Variants in PCDHGA12 observed in about 807,000 individuals in gnomAD.
The protein encoded by PCDHGA12 is protocadherin gamma subfamily A, 12, also known as protocadherin gamma-A12.
A neutral mutation model predicts 61.1 loss-of-function variants in PCDHGA12; 43 were observed. The ratio of observed to expected loss-of-function variants is 0.70; its 90% CI spans 0.55 to 0.91. The LOEUF (loss-of-function observed/expected upper bound fraction) is 0.91, where lower values mean the gene tolerates loss of function less well. Among genes scored for constraint, PCDHGA12 ranks in the 40% least tolerant of loss-of-function variants. The pLI is 0.00. For missense variants in PCDHGA12, 1,236 were observed against 1,227.7 expected (o/e 1.01, Z -0.10); for synonymous variants, 520 against 542.9 (o/e 0.96, Z 0.59).
rs1345800081 is a variant in PCDHGA12, at chr5:141,485,453, G to A, written c.2425-9354G>A. 1 of 1,614,176 alleles carries A rather than the reference G, an allele frequency of 6.2e-7. No homozygotes were observed. The highest frequency in any genetic ancestry group is 8.5e-7 in the Non-Finnish European group (1 of 1,180,036). On this transcript the variant is annotated intron_variant, in intron 1 of 3. Transcript: ENST00000252085. The surrounding 1 kb of genome is among the most constrained non-coding windows in gnomAD (Gnocchi z 5.7). ...CATCAAGAACCCAATCGACCGAGAG[G>A]CACTGTGTGGGCTCAGTGCCAGCTG...
In PCDHGA12 at chr5:141,491,049, G is replaced by A. The variant is rs369146505; in HGVS notation, c.2425-3758G>A. Reference sequence around the variant, plus strand: ...TGGATGCTGATGCAGGCCACAATGCGTGGCTCTCCTACTCACTGTTGCCAC... The same window carrying A: ...TGGATGCTGATGCAGGCCACAATGCATGGCTCTCCTACTCACTGTTGCCAC... On this transcript the variant is annotated intron_variant, in intron 1 of 3. Coordinates refer to ENST00000252085, the MANE Select transcript of PCDHGA12 (RefSeq NM_003735.3). This position sits in a 1 kb window ranked among gnomAD's most constrained non-coding sequence, Gnocchi z 6.9. The A allele has an allele frequency of 3.3e-5, 53 of 1,614,116 alleles. No individual in the cohort carries two copies. The African/African-American group carries it at 5.5e-4, about 17-fold the overall frequency.
chr5:141,468,374 C>T (rs1340499708), intron 1 of PCDHGA12: 2 of 150,736 alleles, frequency 1.3e-5, no homozygotes, highest in Non-Finnish European at 3.0e-5. Context: ...ATAACTCAGC[C>T]ATACAAGGCT....
chr5:141,473,776 T>C (rs1026169931), intron 1 of PCDHGA12, among the ~76,000 whole-genome samples: 1 of 152,214 alleles, frequency 6.6e-6, no homozygotes, highest in Non-Finnish European at 1.5e-5. Context: ...TTTGGTATTT[T>C]AATTCAAGAG....
At chr5:141,495,463 G>T (rs1562169154) in intron 2 of PCDHGA12, among the ~76,000 whole-genome samples, 1 of 152,114 alleles carries the variant, frequency 6.6e-6, no homozygotes, top group Non-Finnish European at 1.5e-5. Context: ...TCTGTCTGTG[G>T]GGTCTCCGTG....
intron 1 of PCDHGA12, among the ~76,000 whole-genome samples, chr5:141,459,095 G>A (rs61275874): frequency 0.28 from 42,440 of 152,066 alleles, 6,652 homozygotes; most frequent in African/African-American, 0.43. Context: ...ATTATACAGT[G>A]CAATGCATTT....
At chr5:141,438,396 ACT>A (rs2097958956) in intron 1 of PCDHGA12, among the ~76,000 whole-genome samples, 2 of 150,930 alleles carry the variant, frequency 1.3e-5, no homozygotes, top group African/African-American at 4.9e-5. Context: ...TTCATCATTA[ACT>A]CTCTGAAGTA....
At chr5:141,500,568 T>C (rs1562196424) in intron 2 of PCDHGA12, among the ~76,000 whole-genome samples, 2 of 152,190 alleles carry the variant, frequency 1.3e-5, no homozygotes, top group Admixed American at 6.5e-5. Context: ...CTTGTCACAC[T>C]TTCATGTGAC....
At chr5:141,478,247 G>T in intron 1 of PCDHGA12, 1 of 1,614,076 alleles carries the variant, frequency 6.2e-7, no homozygotes, top group Non-Finnish European at 8.5e-7. Context: ...CACAGTGTTC[G>T]GAGTAATCAT....
chr5:141,436,902 G>A (rs2097852984), intron 1 of PCDHGA12, among the ~76,000 whole-genome samples: 1 of 152,210 alleles, frequency 6.6e-6, no homozygotes, highest in Admixed American at 6.5e-5. Flanking sequence ...TTTTATATGA[G>A]ACAATTTTGT....
rs748462670 is a variant in PCDHGA12, at chr5:141,478,010, C to T, written c.2425-16797C>T. Reference sequence around the variant, plus strand: ...GCACACTGGTCAAATCAGTACTGCCCGTCCAGTCCAAGACACAGATTCACC... The same window carrying T: ...GCACACTGGTCAAATCAGTACTGCCTGTCCAGTCCAAGACACAGATTCACC... On this transcript the variant is annotated intron_variant, in intron 1 of 3. Coordinates refer to ENST00000252085, the MANE Select transcript of PCDHGA12 (RefSeq NM_003735.3). 9 of 1,614,008 alleles carry T rather than the reference C, an allele frequency of 5.6e-6. No homozygotes were observed. The highest frequency in any genetic ancestry group is 1.7e-5 in the Admixed American group (1 of 59,998).
intron 1 of PCDHGA12, among the ~76,000 whole-genome samples, chr5:141,484,107 A>C (rs13361997): frequency 0.24 from 37,195 of 152,070 alleles, 6,332 homozygotes; most frequent in African/African-American, 0.48. Context: ...TAATTAACAA[A>C]AGATCAAGAA....
chr5:141,461,334 G>T (rs558562450), intron 1 of PCDHGA12, among the ~76,000 whole-genome samples: 75 of 152,166 alleles, frequency 4.9e-4, no homozygotes, highest in African/African-American at 1.7e-3. Flanking sequence ...GGCCATTCTT[G>T]CAGGACCAAG....
At chr5:141,472,980 CAAAAAAA>C (rs60579131) in intron 1 of PCDHGA12, among the ~76,000 whole-genome samples, 1 of 86,108 alleles carries the variant, frequency 1.2e-5, no homozygotes, top group East Asian at 4.1e-4. Context: ...GAGTGAAACT[CAAAAAAA>C]AAAAAAAAAA....
In PCDHGA12 at chr5:141,487,160, G is replaced by A. The variant is rs1188929436; in HGVS notation, c.2425-7647G>A. 5.0e-6 allele frequency: 8 copies of A among 1,613,830 alleles called. No homozygotes were observed. The highest frequency in any genetic ancestry group is 5.1e-6 in the Non-Finnish European group (6 of 1,179,840). ...ACTCTCTACCTCTGTTACTCTCTTA[G>A]TGTCCTTAGAGGAAGACACTCATCC... On this transcript the variant is annotated intron_variant, in intron 1 of 3. Transcript: ENST00000252085. The surrounding 1 kb of genome is among the most constrained non-coding windows in gnomAD (Gnocchi z 5.0).
chr5:141,491,982 T>G lies in PCDHGA12; in HGVS notation c.2425-2825T>G. On this transcript the variant is annotated intron_variant, in intron 1 of 3. Coordinates refer to ENST00000252085, the MANE Select transcript of PCDHGA12 (RefSeq NM_003735.3). This position sits in a 1 kb window ranked among gnomAD's most constrained non-coding sequence, Gnocchi z 6.9. Reference sequence around the variant, plus strand: ...AAAAGGCCGGGGCCTCCTTCGAGCTTCCGGTGAATTTCGGGCGATTTCCGC... The same window carrying G: ...AAAAGGCCGGGGCCTCCTTCGAGCTGCCGGTGAATTTCGGGCGATTTCCGC... The G allele has an allele frequency of 2.6e-6, 2 of 759,438 alleles. No homozygotes were observed. Among genetic ancestry groups the G allele is most frequent in the East Asian group, 3.2e-5 (1 of 31,728 alleles). The allele number at this position is 759,438 out of a possible 1,614,324, so 47.0% of individuals were successfully genotyped here. A position where few individuals can be genotyped will look rare whatever the true frequency, so the allele number is the denominator to read the frequency against.
At position 141,485,144 on chromosome 5, in the gene PCDHGA12, G is replaced by A; in HGVS notation, c.2425-9663G>A. 6.4e-7 allele frequency: 1 copy of A among 1,564,192 alleles called. No homozygotes were observed. The highest frequency in any genetic ancestry group is 1.7e-5 in the Admixed American group (1 of 59,326). On this transcript the variant is annotated intron_variant, in intron 1 of 3. Transcript: ENST00000252085. This position sits in a 1 kb window ranked among gnomAD's most constrained non-coding sequence, Gnocchi z 5.7. ...CGGGTCGGCTTCATCCGCGTCTCAG[G>A]AGCAAGTAGAGAATTAGCGGGCGGC...
At position 141,487,128 on chromosome 5, in the gene PCDHGA12, G is replaced by A; in HGVS notation, c.2425-7679G>A. The A allele has an allele frequency of 6.2e-7, 1 of 1,614,086 alleles. No individual in the cohort carries two copies. ...GTCATTGTGGTAAAGGATAGTGGTA[G>A]TCCACCACTCTCTACCTCTGTTACT... is the stretch of plus-strand genomic sequence containing the variant. On this transcript the variant is annotated intron_variant, in intron 1 of 3. Transcript: ENST00000252085. This position sits in a 1 kb window ranked among gnomAD's most constrained non-coding sequence, Gnocchi z 5.0.
chr5:141,466,014 C>T (rs962233749), intron 1 of PCDHGA12, among the ~76,000 whole-genome samples: 75 of 151,848 alleles, frequency 4.9e-4, no homozygotes, highest in African/African-American at 1.2e-3. Flanking sequence ...CCCAGCTACT[C>T]GGGAGGGTGA....
At position 141,489,985 on chromosome 5, in the gene PCDHGA12, G is replaced by C. The variant is rs761481986; in HGVS notation, c.2425-4822G>C. ...AACCTTCCAATCCTCAGTTCTACGT[G>C]TGGGAATCCCAGAGAATGCACCCAT... On this transcript the variant is annotated intron_variant, in intron 1 of 3. Coordinates refer to ENST00000252085, the MANE Select transcript of PCDHGA12 (RefSeq NM_003735.3). This position sits in a 1 kb window ranked among gnomAD's most constrained non-coding sequence, Gnocchi z 4.5. 3 of 1,614,212 alleles carry C rather than the reference G, an allele frequency of 1.9e-6. No individual in the cohort carries two copies. The East Asian group carries it at 6.7e-5, about 36-fold the overall frequency.
Sources: gnomAD v4.1 joint callset for allele counts (sites outside exome capture counted in the v4.1 genomes callset) on GRCh38, gnomAD v4.1.1 for gene constraint, Gnocchi (gnomAD v3.1) non-coding constraint, MANE v1.5 for transcripts, NCBI Gene and HGNC (gene_info 2026-07-23, HGNC 2026-07-21) for gene names.